ARSB: variants seen among roughly 807,000 people sequenced by gnomAD.
ARSB encodes arylsulfatase B.
A neutral mutation model predicts 50.9 loss-of-function variants in ARSB; 41 were observed. That is an observed-to-expected ratio of 0.81 (90% CI 0.63 to 1.04). The LOEUF is 1.04. ARSB is among the 50% of genes least tolerant of loss of function. The pLI, the probability that ARSB is intolerant of heterozygous loss-of-function variation, is 0.00. For synonymous variants in ARSB, 269 were observed against 284.8 expected, an observed-to-expected ratio of 0.94 and a Z score of 0.56; for missense variants, 672 against 693.3, an observed-to-expected ratio of 0.97 and a Z score of 0.35.
chr5:78,980,659 G>T (rs1441980873), intron 1 of ARSB, among the ~76,000 whole-genome samples: 4 of 151,830 alleles, frequency 2.6e-5, no homozygotes, highest in Non-Finnish European at 5.9e-5. Flanking sequence ...AGAGAGAAAT[G>T]ATATATAAAA....
At chr5:78,952,408 C>T (rs1334224755) in intron 4 of ARSB, among the ~76,000 whole-genome samples, 2 of 152,152 alleles carry the variant, frequency 1.3e-5, no homozygotes, top group Admixed American at 6.5e-5. Context: ...GCAATCTCAG[C>T]TCACTGCAGC....
chr5:78,973,155 G>C (rs1185392967), intron 1 of ARSB, among the ~76,000 whole-genome samples: 1 of 151,970 alleles, frequency 6.6e-6, no homozygotes, highest in African/African-American at 2.4e-5. Context: ...GGAATCAAAA[G>C]AAAAAAATAA....
intron 3 of ARSB, 122 bp from the exon 4 acceptor site, chr5:78,955,624 G>A (rs1227878056): frequency 1.2e-6 from 1 of 816,684 alleles, no homozygotes; most frequent in Non-Finnish European, 2.1e-6. Flanking sequence ...AGAATGCATT[G>A]AAAGTATTTG....
chr5:78,985,430 T>A (rs1753145905), upstream of ARSB: 2 of 479,528 alleles, frequency 4.2e-6, no homozygotes, highest in East Asian at 4.7e-5. Context: ...CCCCGGCTGC[T>A]GTGGCGGAGG....
At chr5:78,837,312 T>C (rs1744997021) in intron 6 of ARSB, among the ~76,000 whole-genome samples, 1 of 152,166 alleles carries the variant, frequency 6.6e-6, no homozygotes. Context: ...GTGCATTAAA[T>C]TACTCAGAAA....
At chr5:78,925,924 T>TG (rs1345536400) in intron 4 of ARSB, among the ~76,000 whole-genome samples, 3 of 152,242 alleles carry the variant, frequency 2.0e-5, no homozygotes, top group Non-Finnish European at 4.4e-5. Flanking sequence ...CCCTCTTTTT[T>TG]GGAAAAAAAG....
chr5:78,928,305 C>CTTTTTTTT (rs34737292), intron 4 of ARSB, among the ~76,000 whole-genome samples: 11 of 72,588 alleles, frequency 1.5e-4, no homozygotes, highest in South Asian at 5.3e-4. Flanking sequence ...TTTGCTTTTG[C>CTTTTTTTT]TTTTTTTTTT....
chr5:78,848,977 A>C (rs1410720433), intron 5 of ARSB, among the ~76,000 whole-genome samples: 1 of 152,174 alleles, frequency 6.6e-6, no homozygotes, highest in African/African-American at 2.4e-5. Context: ...CCTTTGTCAG[A>C]TGAGTAGATT....
At chr5:78,984,611 C>A (rs950508772) in intron 1 of ARSB, among the ~76,000 whole-genome samples, 8 of 152,250 alleles carry the variant, frequency 5.3e-5, no homozygotes, top group African/African-American at 1.9e-4. Context: ...AGGACCGCTC[C>A]GCCTGCCGGC....
intron 4 of ARSB, among the ~76,000 whole-genome samples, chr5:78,937,772 G>A (rs774477732): frequency 1.3e-5 from 2 of 151,724 alleles, no homozygotes; most frequent in Non-Finnish European, 2.9e-5. Context: ...TATTGATTTC[G>A]GAACTTCTAG....
At chr5:78,878,925 C>T (rs1038286272) in intron 5 of ARSB, among the ~76,000 whole-genome samples, 1 of 152,082 alleles carries the variant, frequency 6.6e-6, no homozygotes, top group African/African-American at 2.4e-5. Context: ...ATGATCACAA[C>T]TCACTGTAGC....
At chr5:78,849,717 T>G (rs1157437646) in intron 5 of ARSB, among the ~76,000 whole-genome samples, 4 of 146,538 alleles carry the variant, frequency 2.7e-5, no homozygotes, top group South Asian at 2.2e-4. Context: ...TCCATTTGTT[T>G]GTATCCTCTT....
intron 5 of ARSB, among the ~76,000 whole-genome samples, chr5:78,863,642 G>GAAAT (rs1746561284): frequency 6.6e-6 from 1 of 152,034 alleles, no homozygotes; most frequent in Non-Finnish European, 1.5e-5. Flanking sequence ...GGCATTAAGA[G>GAAAT]AAATACCTAT....
chr5:78,851,482 A>G (rs1291302546), intron 5 of ARSB, among the ~76,000 whole-genome samples: 1 of 152,124 alleles, frequency 6.6e-6, no homozygotes, highest in African/African-American at 2.4e-5. Context: ...ACTTCCAACT[A>G]TGTGGTCAAT....
chr5:78,851,961 CAT>C (rs1466700843), intron 5 of ARSB, among the ~76,000 whole-genome samples: 1 of 152,146 alleles, frequency 6.6e-6, no homozygotes, highest in Non-Finnish European at 1.5e-5. Context: ...TGTCTCTGCA[CAT>C]GAGATGGGTT....
At chr5:78,855,238 C>T (rs751508) in intron 5 of ARSB, among the ~76,000 whole-genome samples, 39,884 of 152,132 alleles carry the variant, frequency 0.26, 7,004 homozygotes, top group African/African-American at 0.5. Context: ...TGTGTCATTT[C>T]GGCTTGAGTC....
chr5:78,807,077 G>T (rs80192709), intron 6 of ARSB, among the ~76,000 whole-genome samples: 1 of 152,198 alleles, frequency 6.6e-6, no homozygotes, highest in South Asian at 2.1e-4. Context: ...AGCATTCCGT[G>T]TTGGGGTGTG....
chr5:78,935,554 T>C (rs2112406902), intron 4 of ARSB, among the ~76,000 whole-genome samples: 1 of 152,030 alleles, frequency 6.6e-6, no homozygotes, highest in Admixed American at 6.5e-5. Context: ...TAAGCATAGG[T>C]AGTAGCAAAT....
intron 1 of ARSB, among the ~76,000 whole-genome samples, chr5:78,976,092 C>A (rs954020073): frequency 6.6e-6 from 1 of 151,764 alleles, no homozygotes; most frequent in Non-Finnish European, 1.5e-5. Flanking sequence ...AATATAAAAT[C>A]GATTTTCTCA....
Sources: gnomAD v4.1 joint callset for allele counts (sites outside exome capture counted in the v4.1 genomes callset) on GRCh38, gnomAD v4.1.1 for gene constraint, MANE v1.5 for transcripts, NCBI Gene and HGNC (gene_info 2026-07-23, HGNC 2026-07-21) for gene names.